The following IPO5 variants were observed in gnomAD, a reference collection of about 807,000 sequenced individuals.
IPO5 encodes importin 5.
A neutral mutation model predicts 143.3 loss-of-function variants in IPO5; 18 were observed. The ratio of observed to expected loss-of-function variants is 0.13; its 90% CI spans 0.09 to 0.19. IPO5 has a LOEUF of 0.19. Ranked by LOEUF, IPO5 falls within the 10% of genes least tolerant of loss-of-function variation. IPO5 has a pLI of 1.00. For missense variants in IPO5, 1,013 were observed against 1,336.9 expected (o/e 0.76, Z 3.78); for synonymous variants, 477 against 465.7 (o/e 1.02, Z -0.31).
Position 98,014,098 on chromosome 13 carries a change from C to T in IPO5, c.2209C>T (p.Arg737Cys), listed in dbSNP as rs1383579161. The T allele has an allele frequency of 2.5e-6, 4 of 1,613,756 alleles. No individual in the cohort carries two copies. Among genetic ancestry groups the T allele is most frequent in the African/African-American group, 1.3e-5 (1 of 74,854 alleles). Residue 737 changes from arginine (R) to cysteine (C), a missense_variant, in exon 22 of 29, where the codon CGT becomes TGT. By Grantham distance (180) the Arg-to-Cys change is radical. Around this residue, in one of 2 missense-constraint regions of IPO5, gnomAD observed 685 missense variants for 994.9 expected, o/e 0.69. Coordinates refer to ENST00000651721, the MANE Select transcript of IPO5 (RefSeq NM_002271.6). ...MPLLLECARV[R>C]GPEYLTQMWH... ...TCTTCTCCTGGAGTGTGCAAGAGTC[C>T]GTGGTCCTGAGTATCTCACACAGAT...
chr13:97,997,401 G>T, intron 11 of IPO5, 130 bp from the exon 12 acceptor site: 2 of 456,324 alleles, frequency 4.4e-6, no homozygotes, highest in Non-Finnish European at 7.8e-6. Flanking sequence ...GGTTTTGGGG[G>T]CACAGACAAA....
intron 4 of IPO5, among the ~76,000 whole-genome samples, chr13:97,979,367 CTT>C (rs1326567823): frequency 6.6e-6 from 1 of 152,052 alleles, no homozygotes; most frequent in Non-Finnish European, 1.5e-5. Context: ...AAAGTTAAAA[CTT>C]TTTTCGTCGT....
chr13:98,016,890 T>C, intron 25 of IPO5, 39 bp downstream of exon 25: 1 of 1,427,914 alleles, frequency 7.0e-7, no homozygotes, highest in Non-Finnish European at 9.2e-7. Flanking sequence ...TTGCGTAGTT[T>C]ACCTGGAATT....
chr13:97,958,853 G>A (rs1012684574), intron 2 of IPO5, among the ~76,000 whole-genome samples: 12 of 150,402 alleles, frequency 8.0e-5, no homozygotes, highest in African/African-American at 2.2e-4. Flanking sequence ...CCCTCCACTA[G>A]ATTCCCCTTT....
At chr13:97,954,535 A>C (rs1189766901) in intron 2 of IPO5, among the ~76,000 whole-genome samples, 3 of 152,174 alleles carry the variant, frequency 2.0e-5, no homozygotes, top group African/African-American at 7.2e-5. Flanking sequence ...AGTATATTTT[A>C]TCTTAGTTTT....
intron 20 of IPO5, 68 bp from the exon 21 acceptor site, chr13:98,012,178 C>G: frequency 2.2e-6 from 2 of 901,184 alleles, no homozygotes; most frequent in Non-Finnish European, 3.8e-6. Flanking sequence ...TATGATTTTG[C>G]TGTTTGTTAA....
chr13:97,969,413 A>T (rs924903903), intron 2 of IPO5, among the ~76,000 whole-genome samples: 6 of 150,692 alleles, frequency 4.0e-5, no homozygotes, highest in Non-Finnish European at 8.9e-5. Flanking sequence ...CCATCTCCTG[A>T]CCTCGTGATC....
Position 97,972,281 on chromosome 13 carries a change from G to C in IPO5, c.-5+2451G>C, listed in dbSNP as rs569888645. 4.4e-4 allele frequency among the ~76,000 whole-genome samples: 67 copies of C among 152,296 alleles called. No individual in the cohort carries two copies. In the South Asian group the frequency reaches 0.013, roughly 31 times the overall value. On this transcript the variant is annotated intron_variant, in intron 3 of 28. Transcript: ENST00000651721. ...CCAAATTCTATCCCAGCTGAGAAAAGCTTTCACAGAGGTCTTACAAGCCTA... is the reference window on the plus strand; with the variant it reads ...CCAAATTCTATCCCAGCTGAGAAAACCTTTCACAGAGGTCTTACAAGCCTA...
At position 97,993,182 on chromosome 13, in the gene IPO5, A is replaced by G. The variant is rs372560224; in HGVS notation, c.870A>G (p.Ala290=). 95 of 1,613,868 alleles carry G rather than the reference A, an allele frequency of 5.9e-5. No individual in the cohort carries two copies. The African/African-American group carries it at 8.3e-4, about 14-fold the overall frequency. ...LEVIVTLSET[A]AAMLRKHTNI... is the part of the protein sequence containing the mutation. ...TGATCGTCACCCTCTCTGAGACTGC[A>G]GCTGCTATGTTAAGAAAACATACCA... Residue 290 remains alanine, a synonymous_variant, in exon 11 of 29, where the codon GCA becomes GCG. Transcript: ENST00000651721.
chr13:97,999,733 C>A (rs976603089), intron 12 of IPO5, among the ~76,000 whole-genome samples: 2 of 152,184 alleles, frequency 1.3e-5, no homozygotes, highest in African/African-American at 4.8e-5. Context: ...AATTGAGTTT[C>A]ACATAGCTAT....
intron 4 of IPO5, among the ~76,000 whole-genome samples, chr13:97,978,400 G>C (rs941386326): frequency 6.6e-6 from 1 of 152,124 alleles, no homozygotes; most frequent in Non-Finnish European, 1.5e-5. Context: ...AATGGATATT[G>C]CGGTTTCCAG....
chr13:98,019,552 G>T (rs1195639264), intron 26 of IPO5, 29 bp from the exon 27 acceptor site: 1 of 1,487,452 alleles, frequency 6.7e-7, no homozygotes, highest in South Asian at 1.1e-5. Context: ...TGAGGTTTTA[G>T]CTGAACTTCT....
At chr13:98,006,969 G>A (rs1889315176) in intron 17 of IPO5, among the ~76,000 whole-genome samples, 1 of 149,504 alleles carries the variant, frequency 6.7e-6, no homozygotes, top group Non-Finnish European at 1.5e-5. Context: ...GGGTTCAAGC[G>A]ATTCTCCTGC....
chr13:97,999,220 A>G (rs143900316), intron 12 of IPO5, among the ~76,000 whole-genome samples: 3 of 152,326 alleles, frequency 2.0e-5, no homozygotes, highest in African/African-American at 7.2e-5. Flanking sequence ...AAAAGTAAAA[A>G]TTAAAGATTT....
At chr13:98,019,504 C>A in intron 26 of IPO5, 77 bp from the exon 27 acceptor site, 2 of 994,584 alleles carry the variant, frequency 2.0e-6, no homozygotes, top group South Asian at 1.5e-5. Context: ...ATATCTGAAC[C>A]AAATACAAAA....
At chr13:98,018,767 T>C (rs768315320) in intron 26 of IPO5, 63 bp downstream of exon 26, 1 of 1,203,246 alleles carries the variant, frequency 8.3e-7, no homozygotes. Flanking sequence ...CCTACTTTAC[T>C]CTCTTTACCA....
At chr13:97,999,053 G>A (rs1888539271) in intron 12 of IPO5, among the ~76,000 whole-genome samples, 1 of 152,100 alleles carries the variant, frequency 6.6e-6, no homozygotes, top group Non-Finnish European at 1.5e-5. Context: ...TAAGCGAGGA[G>A]AATCTCTTGA....
intron 4 of IPO5, chr13:97,982,213 G>A: frequency 3.4e-6 from 1 of 291,306 alleles, no homozygotes. Flanking sequence ...CAATTTTTTG[G>A]CCCTCTTAGG....
At chr13:97,964,551 C>G (rs1183067698) in intron 2 of IPO5, among the ~76,000 whole-genome samples, 1 of 150,892 alleles carries the variant, frequency 6.6e-6, no homozygotes. Flanking sequence ...GGGTTCATGC[C>G]ATTCTCCTGC....
Sources: gnomAD v4.1 joint callset for allele counts (sites outside exome capture counted in the v4.1 genomes callset) on GRCh38, gnomAD v4.1.1 for gene constraint, gnomAD v4.1.1 regional missense constraint, MANE v1.5 for transcripts, NCBI Gene and HGNC (gene_info 2026-07-23, HGNC 2026-07-21) for gene names.